The following CDIN1 variants were observed in gnomAD, a reference collection of about 807,000 sequenced individuals.
CDIN1 encodes the protein CDAN1 interacting nuclease 1, also known as CDAN1-interacting nuclease 1.
In CDIN1, 33 loss-of-function variants were observed where a neutral mutation model predicts 45.3. That is an observed-to-expected ratio of 0.73 (90% CI 0.55 to 0.97). The LOEUF is 0.97. Ranked by LOEUF, CDIN1 falls within the 50% of genes least tolerant of loss-of-function variation. The probability of loss-of-function intolerance (pLI) is 0.00; values close to 1 mark genes in which losing one functional copy is unlikely to be tolerated. For synonymous variants in CDIN1, 118 were observed against 124.4 expected, an observed-to-expected ratio of 0.95 and a Z score of 0.34; for missense variants, 303 against 339.4, an observed-to-expected ratio of 0.89 and a Z score of 0.84.
chr15:36,724,329 T>C (rs192296429), intron 10 of CDIN1, among the ~76,000 whole-genome samples: 5 of 152,264 alleles, frequency 3.3e-5, no homozygotes, highest in Admixed American at 1.3e-4. Context: ...TATAGACTTG[T>C]AGAGATTATA....
intron 10 of CDIN1, among the ~76,000 whole-genome samples, chr15:36,749,271 T>G (rs1390038460): frequency 2.0e-5 from 3 of 152,170 alleles, no homozygotes; most frequent in African/African-American, 7.2e-5. Context: ...AACATGGCAT[T>G]TGTATACTGC....
At chr15:36,688,188 C>T (rs1422818676) in intron 5 of CDIN1, among the ~76,000 whole-genome samples, 1 of 151,238 alleles carries the variant, frequency 6.6e-6, no homozygotes, top group African/African-American at 2.4e-5. Context: ...TAAAGAGGAT[C>T]GACAGAGCCA....
intron 9 of CDIN1, 158 bp from the exon 10 acceptor site, chr15:36,709,698 G>T: frequency 1.8e-6 from 1 of 565,690 alleles, no homozygotes; most frequent in Non-Finnish European, 3.1e-6. Context: ...TCTTTGTAAT[G>T]AACATATACA....
At chr15:36,612,959 A>T (rs150294245) in intron 1 of CDIN1, among the ~76,000 whole-genome samples, 8 of 152,238 alleles carry the variant, frequency 5.3e-5, no homozygotes, top group Non-Finnish European at 7.3e-5. Context: ...TATTGTAGCC[A>T]TTATCAAAAT....
chr15:36,691,570 T>C (rs2042251568), intron 5 of CDIN1, 115 bp from the exon 6 acceptor site: 1 of 648,780 alleles, frequency 1.5e-6, no homozygotes, highest in Non-Finnish European at 2.6e-6. Flanking sequence ...AAATGATTAA[T>C]GCCAGTCATA....
At chr15:36,772,579 A>G (rs189299016) in intron 10 of CDIN1, among the ~76,000 whole-genome samples, 30 of 152,324 alleles carry the variant, frequency 2.0e-4, no homozygotes, top group Non-Finnish European at 3.4e-4. Context: ...CTGGCAGGCA[A>G]TGATGTTCAT....
chr15:36,637,688 T>G (rs1410551685), intron 1 of CDIN1, among the ~76,000 whole-genome samples: 1 of 152,170 alleles, frequency 6.6e-6, no homozygotes, highest in Non-Finnish European at 1.5e-5. Context: ...AGTAGTAATA[T>G]TCAACAATAG....
chr15:36,734,108 C>T (rs1469971623), intron 10 of CDIN1, among the ~76,000 whole-genome samples: 1 of 151,980 alleles, frequency 6.6e-6, no homozygotes, highest in Non-Finnish European at 1.5e-5. Flanking sequence ...AATTATAATG[C>T]ATTGAAGTAT....
intron 1 of CDIN1, among the ~76,000 whole-genome samples, chr15:36,591,617 G>T (rs1271083248): frequency 6.6e-6 from 1 of 152,136 alleles, no homozygotes; most frequent in Non-Finnish European, 1.5e-5. Flanking sequence ...TTTGCATGTT[G>T]GTGGGTGCAC....
At chr15:36,668,999 A>C (rs1413745746) in intron 5 of CDIN1, 1 of 152,068 alleles carries the variant, frequency 6.6e-6, no homozygotes, top group Non-Finnish European at 1.5e-5. Context: ...TGAAGGATTA[A>C]TTTCCCTTCT....
At chr15:36,740,830 G>A (rs536173915) in intron 10 of CDIN1, among the ~76,000 whole-genome samples, 175 of 151,750 alleles carry the variant, frequency 1.2e-3, no homozygotes, top group Middle Eastern at 3.4e-3. Flanking sequence ...CGGAGGTTAC[G>A]GTGAGCTGAG....
At chr15:36,699,482 T>G (rs2042555726) in intron 8 of CDIN1, among the ~76,000 whole-genome samples, 2 of 152,206 alleles carry the variant, frequency 1.3e-5, no homozygotes, top group South Asian at 4.1e-4. Flanking sequence ...GTTGCAAACA[T>G]GTTTAATTTA....
At chr15:36,765,944 T>G (rs1188555604) in intron 10 of CDIN1, among the ~76,000 whole-genome samples, 1 of 152,192 alleles carries the variant, frequency 6.6e-6, no homozygotes, top group Non-Finnish European at 1.5e-5. Context: ...TAAAATTTGT[T>G]AAAATTTTAA....
chr15:36,697,165 C>G (rs772909273), intron 7 of CDIN1, among the ~76,000 whole-genome samples, 158 bp from the exon 8 acceptor site: 2 of 151,868 alleles, frequency 1.3e-5, no homozygotes, highest in Non-Finnish European at 2.9e-5. Context: ...TAGAAAAATT[C>G]TATCCAATTA....
intron 8 of CDIN1, 133 bp downstream of exon 8, chr15:36,697,523 A>G (rs551637332): frequency 2.8e-6 from 2 of 714,800 alleles, no homozygotes; most frequent in African/African-American, 1.8e-5. Flanking sequence ...TTGATTTGGA[A>G]CTGAGCAGGA....
intron 10 of CDIN1, among the ~76,000 whole-genome samples, chr15:36,723,600 T>A (rs537445592): frequency 1.1e-4 from 17 of 152,294 alleles, no homozygotes; most frequent in Non-Finnish European, 2.4e-4. Context: ...AGGCTTCACT[T>A]TGTCAGCCAG....
In CDIN1 at chr15:36,709,961, G is replaced by A. The variant is rs1477791550; in HGVS notation, c.716G>A (p.Arg239Lys). The change falls in exon 10 of 11, where the codon AGA becomes AAA. Residue 239 changes from arginine (R) to lysine (K), a missense_variant and splice_region_variant. By Grantham distance (26) the Arg-to-Lys change is conservative (BLOSUM62 2). Coordinates refer to ENST00000566621, the MANE Select transcript of CDIN1 (RefSeq NM_001321759.2). Reference sequence around the variant, plus strand: ...GACCAGTTCTGGAGCTACTGGAATAGGTAAGGTCTCATTATTTTTCTTTTA... The same window carrying A: ...GACCAGTTCTGGAGCTACTGGAATAAGTAAGGTCTCATTATTTTTCTTTTA... Reference protein sequence around the residue: ...LHDQFWSYWNRFGPGLVIYWY... With the variant: ...LHDQFWSYWNKFGPGLVIYWY... 6.3e-7 allele frequency: 1 copy of A among 1,598,876 alleles called. No individual in the cohort carries two copies. The highest frequency in any genetic ancestry group is 8.6e-7 in the Non-Finnish European group (1 of 1,169,324).
At chr15:36,771,679 C>T (rs1368245748) in intron 10 of CDIN1, among the ~76,000 whole-genome samples, 1 of 152,184 alleles carries the variant, frequency 6.6e-6, no homozygotes, top group Non-Finnish European at 1.5e-5. Flanking sequence ...CCTGTAATCC[C>T]AGCACTTTGG....
chr15:36,726,098 G>A (rs1339449133), intron 10 of CDIN1, among the ~76,000 whole-genome samples: 1 of 152,116 alleles, frequency 6.6e-6, no homozygotes, highest in African/African-American at 2.4e-5. Context: ...TTTGTCCAAG[G>A]TAAATATTTT....
Sources: gnomAD v4.1 joint callset for allele counts (sites outside exome capture counted in the v4.1 genomes callset) on GRCh38, gnomAD v4.1.1 for gene constraint, MANE v1.5 for transcripts, NCBI Gene and HGNC (gene_info 2026-07-23, HGNC 2026-07-21) for gene names.